Variants in COL19A1 observed in about 807,000 individuals in gnomAD.
The protein encoded by COL19A1 is collagen alpha-1(XIX) chain.
COL19A1 carries 159 observed loss-of-function variants against 190.2 expected under a neutral mutation model. That is an observed-to-expected ratio of 0.84 (90% CI 0.73 to 0.95). COL19A1 has a LOEUF of 0.95. COL19A1 is among the 40% of genes least tolerant of loss of function. The probability of loss-of-function intolerance (pLI) is 0.00; values close to 1 mark genes in which losing one functional copy is unlikely to be tolerated. For missense variants in COL19A1, 1,418 were observed against 1,431.9 expected (o/e 0.99, Z 0.16); for synonymous variants, 509 against 458.9 (o/e 1.11, Z -1.39).
At chr6:70,082,468 A>G (rs1391326247) in intron 15 of COL19A1, among the ~76,000 whole-genome samples, 1 of 152,140 alleles carries the variant, frequency 6.6e-6, no homozygotes, top group East Asian at 1.9e-4. Context: ...GCTGGAGTGC[A>G]GTGGTGCGAT....
In COL19A1 at chr6:70,207,138, T is replaced by A. The variant is rs78708214; in HGVS notation, c.3302-9T>A. Reference sequence around the variant, plus strand: ...GATCTGCATTGTAATTTTTTTTTTATGTCGTTAGCTCTGGGTTTGCCAGGC... The same window carrying A: ...GATCTGCATTGTAATTTTTTTTTTAAGTCGTTAGCTCTGGGTTTGCCAGGC... On this transcript the variant is annotated splice_polypyrimidine_tract_variant and intron_variant, in intron 50 of 50. Coordinates refer to ENST00000620364, the MANE Select transcript of COL19A1 (RefSeq NM_001858.6). The A allele has an allele frequency of 6.2e-7, 1 of 1,611,004 alleles. No homozygotes were observed. The highest frequency in any genetic ancestry group is 8.5e-7 in the Non-Finnish European group (1 of 1,179,010).
chr6:70,098,887 T>A (rs949302955), intron 15 of COL19A1, among the ~76,000 whole-genome samples: 2 of 151,628 alleles, frequency 1.3e-5, no homozygotes, highest in African/African-American at 4.8e-5. Context: ...AGAACAATGA[T>A]GTCTGGGAGT....
chr6:70,065,517 C>G (rs1420001002), intron 14 of COL19A1, among the ~76,000 whole-genome samples: 2 of 152,080 alleles, frequency 1.3e-5, no homozygotes, highest in African/African-American at 4.8e-5. Context: ...AGAAGAAAAC[C>G]TAGGCAATAC....
At chr6:69,999,957 C>T (rs561522507) in intron 11 of COL19A1, among the ~76,000 whole-genome samples, 7 of 152,004 alleles carry the variant, frequency 4.6e-5, no homozygotes, top group Non-Finnish European at 8.8e-5. Flanking sequence ...CATAGGTATA[C>T]GTGTGTCATG....
chr6:69,927,845 C>T (rs1317173363), intron 4 of COL19A1, 64 bp from the exon 5 acceptor site: 1 of 1,549,448 alleles, frequency 6.5e-7, no homozygotes, highest in African/African-American at 1.4e-5. Context: ...GAACTTTATA[C>T]CTAGATTTTA....
At chr6:69,944,041 A>T (rs1773634183) in intron 9 of COL19A1, among the ~76,000 whole-genome samples, 1 of 151,918 alleles carries the variant, frequency 6.6e-6, no homozygotes. Context: ...ATTGTCTCGT[A>T]CCCTCTTCCC....
rs140085373 is a variant in COL19A1, at chr6:70,050,121, T to C, written c.1170+14182T>C. ...CTGTGTCATCTATAAAATGTGATAC[T>C]AATATTTCCTATTGTATAGTGTTGT... On this transcript the variant is annotated intron_variant, in intron 14 of 50. Transcript: ENST00000620364. 1.9e-3 allele frequency among the ~76,000 whole-genome samples: 285 copies of C among 152,186 alleles called. 1 individual carries two copies. Among genetic ancestry groups the C allele is most frequent in the African/African-American group, 6.4e-3 (267 of 41,562 alleles).
At chr6:70,141,576 A>C (rs1231100366) in intron 20 of COL19A1, among the ~76,000 whole-genome samples, 2 of 152,126 alleles carry the variant, frequency 1.3e-5, no homozygotes, top group East Asian at 3.9e-4. Context: ...TCTCTGGGAC[A>C]TGAGATTAGT....
chr6:70,179,208 G>A (rs1766013218), intron 42 of COL19A1, among the ~76,000 whole-genome samples: 1 of 152,114 alleles, frequency 6.6e-6, no homozygotes, highest in African/African-American at 2.4e-5. Context: ...CCTATGGAGG[G>A]ATCTCCTTCC....
At chr6:69,999,711 A>T (rs530324080) in intron 11 of COL19A1, among the ~76,000 whole-genome samples, 2 of 152,314 alleles carry the variant, frequency 1.3e-5, no homozygotes, top group South Asian at 4.1e-4. Flanking sequence ...ACAAAGCACT[A>T]AATTAGTATC....
chr6:70,189,784 T>C (rs1264021383), intron 47 of COL19A1, among the ~76,000 whole-genome samples: 1 of 152,234 alleles, frequency 6.6e-6, no homozygotes, highest in Non-Finnish European at 1.5e-5. Context: ...AATTACAGAA[T>C]AAACTTTATG....
Position 70,184,881 on chromosome 6 carries a change from G to T in COL19A1, c.2822G>T (p.Gly941Val), listed in dbSNP as rs1583115134. The T allele has an allele frequency of 1.2e-6, 2 of 1,613,210 alleles. No individual in the cohort carries two copies. The highest frequency in any genetic ancestry group is 1.3e-5 in the African/African-American group (1 of 74,976). Reference protein sequence around the residue: ...DGIPGAQGIMGKPGDRGPKGE... With the variant: ...DGIPGAQGIMVKPGDRGPKGE... ...ACATCTGTTTTTCAGGGCATCATGGGTAAGCCTGGAGACAGAGGCCCCAAA... is the reference window on the plus strand; with the variant it reads ...ACATCTGTTTTTCAGGGCATCATGGTTAAGCCTGGAGACAGAGGCCCCAAA... Residue 941 changes from glycine (G) to valine (V), a missense_variant, in exon 46 of 51, where the codon GGT becomes GTT. By Grantham distance (109) the Gly-to-Val change is moderately radical. Coordinates refer to ENST00000620364, the MANE Select transcript of COL19A1 (RefSeq NM_001858.6).
At chr6:70,128,067 C>T (rs1390339458) in intron 17 of COL19A1, among the ~76,000 whole-genome samples, 1 of 152,120 alleles carries the variant, frequency 6.6e-6, no homozygotes, top group East Asian at 1.9e-4. Context: ...ATGTTAGCAG[C>T]GTGATGTAAC....
At chr6:70,003,667 A>T (rs1031476408) in intron 11 of COL19A1, among the ~76,000 whole-genome samples, 2 of 152,020 alleles carry the variant, frequency 1.3e-5, no homozygotes, top group African/African-American at 4.8e-5. Flanking sequence ...GTTGGTTTAA[A>T]GTCTGTTTTG....
intron 4 of COL19A1, among the ~76,000 whole-genome samples, chr6:69,922,859 A>C (rs1241441978): frequency 6.6e-6 from 1 of 152,028 alleles, no homozygotes; most frequent in African/African-American, 2.4e-5. Flanking sequence ...TTGCTGGATC[A>C]CTCACTCATT....
At chr6:69,959,788 G>A (rs563070869) in intron 9 of COL19A1, among the ~76,000 whole-genome samples, 11 of 152,172 alleles carry the variant, frequency 7.2e-5, no homozygotes, top group African/African-American at 9.6e-5. Context: ...CAAACCTCTC[G>A]GAGCCTCCAT....
intron 48 of COL19A1, among the ~76,000 whole-genome samples, chr6:70,194,410 C>T (rs991597854): frequency 6.6e-5 from 10 of 152,130 alleles, no homozygotes; most frequent in African/African-American, 2.4e-4. Flanking sequence ...CATCCTGGTG[C>T]CCCTTCCCAA....
At chr6:70,092,291 C>T (rs1562164523) in intron 15 of COL19A1, among the ~76,000 whole-genome samples, 1 of 152,062 alleles carries the variant, frequency 6.6e-6, no homozygotes, top group Non-Finnish European at 1.5e-5. Flanking sequence ...TCCTCCTATC[C>T]CCATGATCCC....
At chr6:69,910,304 T>TA (rs1770826929) in intron 4 of COL19A1, among the ~76,000 whole-genome samples, 1 of 152,162 alleles carries the variant, frequency 6.6e-6, no homozygotes, top group Non-Finnish European at 1.5e-5. Context: ...CCTTCTTGTA[T>TA]CAATGGTACC....
Sources: gnomAD v4.1 joint callset for allele counts (sites outside exome capture counted in the v4.1 genomes callset) on GRCh38, gnomAD v4.1.1 for gene constraint, MANE v1.5 for transcripts, NCBI Gene and HGNC (gene_info 2026-07-23, HGNC 2026-07-21) for gene names.